Variants in TRIM49B observed in about 807,000 individuals in gnomAD.
TRIM49B encodes tripartite motif containing 49B, also known as putative tripartite motif-containing protein 49B.
A neutral mutation model predicts 31.8 loss-of-function variants in TRIM49B; 18 were observed. The ratio of observed to expected loss-of-function variants is 0.57; its 90% CI spans 0.39 to 0.84. TRIM49B has a LOEUF of 0.84. TRIM49B is among the 40% of genes least tolerant of loss of function. The pLI, the probability that TRIM49B is intolerant of heterozygous loss-of-function variation, is 0.00. For missense variants in TRIM49B, 494 were observed against 538.7 expected (o/e 0.92, Z 0.82); for synonymous variants, 196 against 180.6 (o/e 1.09, Z -0.68).
chr11:49,032,179 G>T lies in TRIM49B; in HGVS notation c.412-97G>T, dbSNP rs144614023. 1.1e-3 allele frequency: 1,761 copies of T among 1,607,162 alleles called. 23 individuals carry two copies. In the African/African-American group the frequency reaches 0.022, roughly 20 times the overall value. On this transcript the variant is annotated intron_variant, in intron 2 of 6. Coordinates refer to ENST00000332682, the MANE Select transcript of TRIM49B (RefSeq NM_001206626.2). ...TTGACAAACATGAAGGGAAACAAAG[G>T]AAATGCCATTTACTAGGGGTTTATT...
chr11:49,034,011 A>T, intron 3 of TRIM49B, 135 bp from the exon 4 acceptor site: 2 of 1,483,646 alleles, frequency 1.3e-6, no homozygotes, highest in South Asian at 1.2e-5. Flanking sequence ...GGAAAGGAAC[A>T]AAATTTGTAG....
Position 49,031,821 on chromosome 11 carries a change from T to C in TRIM49B, c.222T>C (p.Ala74=), listed in dbSNP as rs763299229. ...CCAACATTCATTTCAAGAAGATGGC[T>C]TCTCTTGCTAGAAAAGTCAGTCTCT... is the stretch of plus-strand genomic sequence containing the variant. ...LKTNIHFKKM[A]SLARKVSLWL... The change falls in exon 2 of 7, where the codon GCT becomes GCC. Residue 74 remains alanine (A), a synonymous_variant. Coordinates refer to ENST00000332682, the MANE Select transcript of TRIM49B (RefSeq NM_001206626.2). 3 of 1,613,996 alleles carry C rather than the reference T, an allele frequency of 1.9e-6. No individual in the cohort carries two copies. The South Asian group carries it at 3.3e-5, about 18-fold the overall frequency.
At chr11:49,036,597 A>G (rs570225695) in intron 6 of TRIM49B, among the ~76,000 whole-genome samples, 199 bp downstream of exon 6, 3 of 152,280 alleles carry the variant, frequency 2.0e-5, no homozygotes, top group South Asian at 4.1e-4. Flanking sequence ...ATAGTGAAAA[A>G]GAAATACTTT....
In TRIM49B at chr11:49,037,399, G is replaced by T. The variant is rs1319002138; in HGVS notation, c.860-79G>T. ...CAAAACTTTTTATGACTTTACATTT[G>T]CTGGTAAAGTAACTTCTTGATAGAC... is the stretch of plus-strand genomic sequence containing the variant. On this transcript the variant is annotated intron_variant, in intron 6 of 6. Coordinates refer to ENST00000332682, the MANE Select transcript of TRIM49B (RefSeq NM_001206626.2). 3.4e-6 allele frequency: 5 copies of T among 1,484,162 alleles called. No individual in the cohort carries two copies. The African/African-American group carries it at 5.7e-5, about 17-fold the overall frequency. 91.9% of individuals were successfully genotyped at this position (1,484,162 alleles called of 1,614,324 possible).
chr11:49,030,976 C>CT (rs60274961), intron 1 of TRIM49B, among the ~76,000 whole-genome samples: 122,238 of 150,406 alleles, frequency 0.81, 50,023 homozygotes, highest in African/African-American at 0.86. Flanking sequence ...CAGTCTTTTT[C>CT]TTGTTTATTT....
In TRIM49B at chr11:49,037,829, G is replaced by A. The variant is rs1854553947; in HGVS notation, c.1211G>A (p.Arg404Lys). Residue 404 changes from arginine (R) to lysine (K), a missense_variant, in exon 7 of 7, where the codon AGA becomes AAA. Arg to Lys is a conservative substitution (Grantham distance 26, BLOSUM62 2). Coordinates refer to ENST00000332682, the MANE Select transcript of TRIM49B (RefSeq NM_001206626.2). ...CCACTTCTGCTGCAATATATCCCAAGACCTACCAGCCGAGTAGGATTATTC... is the reference window on the plus strand; with the variant it reads ...CCACTTCTGCTGCAATATATCCCAAAACCTACCAGCCGAGTAGGATTATTC... ...TSPLLLQYIPRPTSRVGLFLD... is the reference protein window; with the variant it reads ...TSPLLLQYIPKPTSRVGLFLD... The A allele has an allele frequency of 6.2e-7, 1 of 1,613,914 alleles. No homozygotes were observed. Among genetic ancestry groups the A allele is most frequent in the East Asian group, 2.2e-5 (1 of 44,884 alleles).
rs570647897 is a variant in TRIM49B, at chr11:49,035,107, A to G, written c.751A>G (p.Ile251Val). The G allele has an allele frequency of 2.9e-5, 47 of 1,605,166 alleles. No homozygotes were observed. In the South Asian group the frequency reaches 4.8e-4, roughly 16 times the overall value. ...DVELLQAFGD[I>V]LHRSESVLLH... ...TTTTTTTTTTCAGGCTTTTGGAGAC[A>G]TATTACACAGGTGAGTGTGTACCTA... Residue 251 changes from isoleucine to valine, a missense_variant, in exon 5 of 7, where the codon ATA (isoleucine) becomes GTA (valine). Physicochemically the swap from Ile to Val is conservative, Grantham distance 29 (BLOSUM62 3). Coordinates refer to ENST00000332682, the MANE Select transcript of TRIM49B (RefSeq NM_001206626.2).
intron 2 of TRIM49B, 44 bp from the exon 3 acceptor site, chr11:49,032,232 T>A: frequency 6.2e-7 from 1 of 1,612,298 alleles, no homozygotes; most frequent in Non-Finnish European, 8.5e-7. Flanking sequence ...CCCCTCCCTA[T>A]GTCATGGTCT....
intron 3 of TRIM49B, among the ~76,000 whole-genome samples, chr11:49,032,957 A>G (rs1854473539): frequency 6.6e-6 from 1 of 152,224 alleles, no homozygotes; most frequent in Non-Finnish European, 1.5e-5. Flanking sequence ...CATGCCAGAA[A>G]TATGGGAACT....
chr11:49,030,240 T>C (rs562711265), intron 1 of TRIM49B, among the ~76,000 whole-genome samples: 15 of 152,168 alleles, frequency 9.9e-5, no homozygotes, highest in African/African-American at 3.6e-4. Context: ...GGGAACCTGA[T>C]GCAGGAGAAT....
chr11:49,036,201 T>C lies in TRIM49B; in HGVS notation c.762-100T>C, dbSNP rs1854527675. 1.9e-6 allele frequency: 3 copies of C among 1,561,414 alleles called. No individual in the cohort carries two copies. The Admixed American group carries it at 5.6e-5, about 29-fold the overall frequency. On this transcript the variant is annotated intron_variant, in intron 5 of 6. Coordinates refer to ENST00000332682, the MANE Select transcript of TRIM49B (RefSeq NM_001206626.2). ...AATAATTTTTGAATTATCAAATGTG[T>C]AGATTCAAAGGATTCTCATGAAATG...
intron 5 of TRIM49B, among the ~76,000 whole-genome samples, chr11:49,035,803 A>G (rs1306284708): frequency 1.3e-5 from 2 of 152,170 alleles, no homozygotes; most frequent in African/African-American, 2.4e-5. Context: ...TTTGTTTTTT[A>G]TACATATATA....
In TRIM49B at chr11:49,034,390, A is replaced by G; in HGVS notation, c.738+14A>G. On this transcript the variant is annotated intron_variant, in intron 4 of 6. Coordinates refer to ENST00000332682, the MANE Select transcript of TRIM49B (RefSeq NM_001206626.2). ...GAGCTACTTCAGGTACAAACTCGCC[A>G]TGTGGTTTCAGGTTTTTGAATATTC... 1 of 1,611,968 alleles carries G rather than the reference A, an allele frequency of 6.2e-7. No homozygotes were observed. The highest frequency in any genetic ancestry group is 8.5e-7 in the Non-Finnish European group (1 of 1,179,806).
At chr11:49,032,413 G>A (rs529403925) in intron 3 of TRIM49B, 42 bp downstream of exon 3, 1 of 1,610,738 alleles carries the variant, frequency 6.2e-7, no homozygotes, top group East Asian at 2.2e-5. Context: ...AACTTATGGT[G>A]GGCAAATGGG....
At chr11:49,032,716 T>C (rs1488492869) in intron 3 of TRIM49B, among the ~76,000 whole-genome samples, 4 of 152,040 alleles carry the variant, frequency 2.6e-5, no homozygotes, top group Non-Finnish European at 5.9e-5. Context: ...TATTTGGCAG[T>C]CATGGAATGC....
intron 6 of TRIM49B, among the ~76,000 whole-genome samples, chr11:49,036,868 A>G (rs1368051966): frequency 6.6e-6 from 1 of 152,188 alleles, no homozygotes; most frequent in African/African-American, 2.4e-5. Flanking sequence ...TTAATAGGTA[A>G]AGCTAAAAGG....
In TRIM49B at chr11:49,034,252, G is replaced by A; in HGVS notation, c.614G>A (p.Gly205Glu). ...AATTTGGAGATGCTGAAAAAGAAGG[G>A]GAAAGATATTTTTCATCGACTTCAT... ...KHNLEMLKKK[G>E]KDIFHRLHLS... Residue 205 changes from glycine (G) to glutamate (E), a missense_variant, in exon 4 of 7, where the codon GGG (glycine) becomes GAG (glutamate). This residue lies in a region of TRIM49B where 10 missense variants were observed against 24.5 expected (regional missense o/e 0.41). Coordinates refer to ENST00000332682, the MANE Select transcript of TRIM49B (RefSeq NM_001206626.2). 1.2e-6 allele frequency: 2 copies of A among 1,611,892 alleles called. No individual in the cohort carries two copies. The highest frequency in any genetic ancestry group is 1.7e-6 in the Non-Finnish European group (2 of 1,179,826).
rs1854549973 is a variant in TRIM49B at position 49,037,648 on chromosome 11, G to C, written c.1030G>C (p.Glu344Gln). Residue 344 changes from glutamate (E) to glutamine (Q), a missense_variant, in exon 7 of 7, where the codon GAG (glutamate) becomes CAG (glutamine). Glu to Gln is a conservative substitution (Grantham distance 29). Transcript: ENST00000332682. ...QTFTSGKYYW[E>Q]VHVGDSWNWA... Reference sequence around the variant, plus strand: ...TTTCACCTCGGGCAAATATTACTGGGAGGTCCATGTAGGGGACTCCTGGAA... The same window carrying C: ...TTTCACCTCGGGCAAATATTACTGGCAGGTCCATGTAGGGGACTCCTGGAA... 7.4e-6 allele frequency: 12 copies of C among 1,613,816 alleles called. No individual in the cohort carries two copies. Among genetic ancestry groups the C allele is most frequent in the Non-Finnish European group, 8.5e-6 (10 of 1,179,884 alleles).
At chr11:49,035,356 TTTTTTTTTTTTTTTTTTTTTTG>T (rs1337159739) in intron 5 of TRIM49B, among the ~76,000 whole-genome samples, 2 of 100,398 alleles carry the variant, frequency 2.0e-5, no homozygotes, top group African/African-American at 5.4e-5. Flanking sequence ...TTTTTTTTTT[TTTTTTTTTTTTTTTTTTTTTTG>T]AGACGGTGTC....
Sources: gnomAD v4.1 joint callset for allele counts (sites outside exome capture counted in the v4.1 genomes callset) on GRCh38, gnomAD v4.1.1 for gene constraint, gnomAD v4.1.1 regional missense constraint, MANE v1.5 for transcripts, NCBI Gene and HGNC (gene_info 2026-07-23, HGNC 2026-07-21) for gene names.